The following CADM2 variants were observed in gnomAD, a reference collection of about 807,000 sequenced individuals.
CADM2 encodes cell adhesion molecule 2.
Under a neutral mutation model 49.8 loss-of-function variants are expected in CADM2, and 12 were observed. That is an observed-to-expected ratio of 0.24 (90% CI 0.15 to 0.39). CADM2 has a LOEUF of 0.39. CADM2 is among the 10% of genes least tolerant of loss of function. The pLI is 1.00. For missense variants in CADM2, 378 were observed against 492.3 expected (o/e 0.77, Z 2.20); for synonymous variants, 214 against 175.4 (o/e 1.22, Z -1.74).
chr3:85,331,216 A>T (rs2044913364), intron 1 of CADM2, among the ~76,000 whole-genome samples: 1 of 151,844 alleles, frequency 6.6e-6, no homozygotes, highest in African/African-American at 2.4e-5. Context: ...CAAACACTAG[A>T]TCTTATTCTT....
At chr3:85,233,733 G>T (rs1015255381) in intron 1 of CADM2, among the ~76,000 whole-genome samples, 1 of 151,974 alleles carries the variant, frequency 6.6e-6, no homozygotes, top group Non-Finnish European at 1.5e-5. Flanking sequence ...AATTCTCAAT[G>T]GTTTAGAAAG....
At chr3:85,074,832 G>T (rs531695753) in intron 1 of CADM2, among the ~76,000 whole-genome samples, 3 of 151,468 alleles carry the variant, frequency 2.0e-5, no homozygotes, top group African/African-American at 4.9e-5. Flanking sequence ...CCGGGATAGA[G>T]ATTTTTCTTC....
rs1216492046 is a variant in CADM2 at position 85,482,845 on chromosome 3, A to T, written c.62-243677A>T. Among the ~76,000 whole-genome samples the T allele has an allele frequency of 7.9e-5, 12 of 151,654 alleles. No homozygotes were observed. In the East Asian group the frequency reaches 2.3e-3, roughly 29 times the overall value. ...ATTTAATTTTGATATTTAAACAGTAAATTTTATTTAAAAATAATAGTTGAT... is the reference window on the plus strand; with the variant it reads ...ATTTAATTTTGATATTTAAACAGTATATTTTATTTAAAAATAATAGTTGAT... On this transcript the variant is annotated intron_variant, in intron 1 of 9. Coordinates refer to ENST00000383699, the MANE Select transcript of CADM2 (RefSeq NM_001167675.2).
At chr3:85,245,686 C>T (rs1002030503) in intron 1 of CADM2, among the ~76,000 whole-genome samples, 4 of 152,122 alleles carry the variant, frequency 2.6e-5, no homozygotes, top group African/African-American at 7.2e-5. Context: ...TCACTTCTTA[C>T]TTACTCTTTC....
intron 8 of CADM2, among the ~76,000 whole-genome samples, chr3:85,972,606 G>A (rs73843559): frequency 0.01 from 1,564 of 151,760 alleles, 35 homozygotes; most frequent in African/African-American, 0.036. Flanking sequence ...ATTTTGTTTC[G>A]AAAATCCATT....
At chr3:85,129,097 C>A (rs1015850727) in intron 1 of CADM2, among the ~76,000 whole-genome samples, 1 of 152,044 alleles carries the variant, frequency 6.6e-6, no homozygotes, top group Non-Finnish European at 1.5e-5. Flanking sequence ...GTATTGCAGT[C>A]GTGGCACTGA....
intron 1 of CADM2, among the ~76,000 whole-genome samples, chr3:85,065,177 T>G (rs1006729471): frequency 6.6e-6 from 1 of 152,114 alleles, no homozygotes; most frequent in Non-Finnish European, 1.5e-5. Flanking sequence ...CTGAAATAAC[T>G]TCATCTGATA....
At chr3:85,370,346 C>T (rs1012150360) in intron 1 of CADM2, among the ~76,000 whole-genome samples, 4 of 151,430 alleles carry the variant, frequency 2.6e-5, no homozygotes, top group East Asian at 1.9e-4. Context: ...TGCTTGACCG[C>T]GGGAGGGGGA....
intron 8 of CADM2, among the ~76,000 whole-genome samples, chr3:86,007,953 T>C (rs929270928): frequency 6.6e-6 from 1 of 152,164 alleles, no homozygotes; most frequent in Admixed American, 6.5e-5. Context: ...CAGATCAAAA[T>C]ACAGCTAAGA....
At chr3:85,668,511 G>C (rs1023263815) in intron 1 of CADM2, among the ~76,000 whole-genome samples, 25 of 152,018 alleles carry the variant, frequency 1.6e-4, no homozygotes, top group Non-Finnish European at 2.9e-5. Flanking sequence ...GAACCCAGTG[G>C]GAGATAATTG....
At chr3:86,005,615 T>C (rs888030664) in intron 8 of CADM2, among the ~76,000 whole-genome samples, 14 of 152,166 alleles carry the variant, frequency 9.2e-5, no homozygotes, top group African/African-American at 3.1e-4. Context: ...GTATGAGATA[T>C]TTTGATACAG....
chr3:85,473,846 T>A (rs1299706838), intron 1 of CADM2, among the ~76,000 whole-genome samples: 4 of 152,066 alleles, frequency 2.6e-5, no homozygotes, highest in East Asian at 1.9e-4. Flanking sequence ...CCTGTACAAC[T>A]TTTTTGTGAC....
chr3:85,874,751 G>C (rs1711574318), intron 3 of CADM2, among the ~76,000 whole-genome samples: 1 of 152,010 alleles, frequency 6.6e-6, no homozygotes, highest in Non-Finnish European at 1.5e-5. Context: ...CAAACACCTA[G>C]GGAAATACTG....
chr3:85,014,510 T>C (rs1324602103), intron 1 of CADM2, among the ~76,000 whole-genome samples: 1 of 152,166 alleles, frequency 6.6e-6, no homozygotes, highest in Non-Finnish European at 1.5e-5. Flanking sequence ...GGTACTATTC[T>C]TGGTTTCAGG....
At chr3:85,997,705 C>T (rs1239370741) in intron 8 of CADM2, among the ~76,000 whole-genome samples, 2 of 152,118 alleles carry the variant, frequency 1.3e-5, no homozygotes, top group Non-Finnish European at 2.9e-5. Flanking sequence ...GTTTCCTACA[C>T]AATTCATTTT....
intron 5 of CADM2, among the ~76,000 whole-genome samples, chr3:85,906,086 C>T (rs933493764): frequency 2.6e-5 from 4 of 152,040 alleles, no homozygotes; most frequent in South Asian, 2.1e-4. Flanking sequence ...TGCTCAAATG[C>T]GTAGATATTT....
chr3:85,685,046 A>T (rs373893720), intron 1 of CADM2, among the ~76,000 whole-genome samples: 1 of 152,202 alleles, frequency 6.6e-6, no homozygotes, highest in East Asian at 1.9e-4. Context: ...AGGTCAGGAG[A>T]TAGAGACCAT....
intron 1 of CADM2, among the ~76,000 whole-genome samples, chr3:85,637,375 G>T (rs1323512371): frequency 6.6e-6 from 1 of 151,260 alleles, no homozygotes; most frequent in Non-Finnish European, 1.5e-5. Flanking sequence ...GGCCGAGGCG[G>T]GTGGATCATG....
intron 1 of CADM2, among the ~76,000 whole-genome samples, chr3:85,709,337 C>T (rs2067044149): frequency 6.6e-6 from 1 of 152,048 alleles, no homozygotes; most frequent in Non-Finnish European, 1.5e-5. Flanking sequence ...TGCTATCTAT[C>T]TTTTTCTGTA....
Sources: allele counts gnomAD v4.1 joint callset (sites outside exome capture counted in the v4.1 genomes callset), GRCh38; gene constraint gnomAD v4.1.1; transcripts MANE v1.5; gene names NCBI Gene and HGNC (gene_info 2026-07-23, HGNC 2026-07-21).